Variants in SMYD3 observed in about 807,000 individuals in gnomAD.
The protein encoded by SMYD3 is SET and MYND domain containing 3, also known as histone-lysine N-methyltransferase SMYD3.
In SMYD3, 36 loss-of-function variants were observed where a neutral mutation model predicts 57.7. The ratio of observed to expected loss-of-function variants is 0.62; its 90% CI spans 0.48 to 0.82. The LOEUF (loss-of-function observed/expected upper bound fraction) is 0.82, where lower values mean the gene tolerates loss of function less well. SMYD3 is among the 40% of genes least tolerant of loss of function. The probability of loss-of-function intolerance (pLI) is 0.00; values close to 1 mark genes in which losing one functional copy is unlikely to be tolerated. For missense variants in SMYD3, 515 were observed against 538.8 expected (o/e 0.96, Z 0.44); for synonymous variants, 211 against 195.0 (o/e 1.08, Z -0.68).
intron 10 of SMYD3, among the ~76,000 whole-genome samples, chr1:245,800,229 T>C (rs1346227408): frequency 6.6e-6 from 1 of 152,266 alleles, no homozygotes; most frequent in Non-Finnish European, 1.5e-5. Flanking sequence ...TTCACTTTAC[T>C]CTCACAACTG....
intron 2 of SMYD3, among the ~76,000 whole-genome samples, chr1:246,348,649 A>G (rs2065767767): frequency 6.6e-6 from 1 of 152,162 alleles, no homozygotes; most frequent in African/African-American, 2.4e-5. Flanking sequence ...CCTTTTGAGT[A>G]CTATGCTTAC....
chr1:245,920,090 G>A (rs1258345788), intron 7 of SMYD3, among the ~76,000 whole-genome samples: 1 of 152,118 alleles, frequency 6.6e-6, no homozygotes, highest in Non-Finnish European at 1.5e-5. Flanking sequence ...AAGGCGGTAG[G>A]ATCACGAGGT....
chr1:246,470,369 A>G (rs2067941414), intron 1 of SMYD3, among the ~76,000 whole-genome samples: 1 of 151,862 alleles, frequency 6.6e-6, no homozygotes, highest in Non-Finnish European at 1.5e-5. Flanking sequence ...AGTGGCACAC[A>G]CGTGTAATCC....
At chr1:246,354,632 T>C (rs1241759938) in intron 2 of SMYD3, among the ~76,000 whole-genome samples, 1 of 132,342 alleles carries the variant, frequency 7.6e-6, no homozygotes, top group African/African-American at 2.9e-5. Flanking sequence ...CAAGAATTCA[T>C]GCCAGATTAA....
chr1:246,209,815 G>A (rs2063059922), intron 5 of SMYD3, among the ~76,000 whole-genome samples: 1 of 152,146 alleles, frequency 6.6e-6, no homozygotes, highest in Admixed American at 6.5e-5. Context: ...TTTCTGGAAA[G>A]AACTCAAATT....
At chr1:246,062,171 C>T (rs879925868) in intron 5 of SMYD3, among the ~76,000 whole-genome samples, 1 of 85,866 alleles carries the variant, frequency 1.2e-5, no homozygotes, top group Non-Finnish European at 2.2e-5. Flanking sequence ...ACATGTGATT[C>T]ATTCACATCA....
rs113398411 is a variant in SMYD3 at position 246,076,389 on chromosome 1, C to T, written c.532-146452G>A. Among the ~76,000 whole-genome samples, 884 of 152,234 alleles carry T rather than the reference C, an allele frequency of 5.8e-3. 23 individuals are homozygous for T. The highest frequency in any genetic ancestry group is 0.02 in the African/African-American group (824 of 41,530). On this transcript the variant is annotated intron_variant, in intron 5 of 11. Coordinates refer to ENST00000490107, the MANE Select transcript of SMYD3 (RefSeq NM_001167740.2). Reference sequence around the variant, plus strand: ...CACCCACATCCAAATGTACTGCCAACAGACCAACACAGAGAAGTGCTGAGT... The same window carrying T: ...CACCCACATCCAAATGTACTGCCAATAGACCAACACAGAGAAGTGCTGAGT...
intron 5 of SMYD3, among the ~76,000 whole-genome samples, chr1:245,999,584 G>C (rs1470416806): frequency 1.3e-5 from 2 of 150,352 alleles, no homozygotes; most frequent in Admixed American, 6.7e-5. Flanking sequence ...AAAGACCTAA[G>C]AGTGAGTCAA....
intron 5 of SMYD3, among the ~76,000 whole-genome samples, chr1:246,135,650 A>G (rs554735826): frequency 6.6e-6 from 1 of 152,280 alleles, no homozygotes; most frequent in South Asian, 2.1e-4. Flanking sequence ...ACACACACAC[A>G]CACATACGTG....
intron 1 of SMYD3, among the ~76,000 whole-genome samples, chr1:246,419,416 C>T (rs1361054254): frequency 6.6e-6 from 1 of 152,216 alleles, no homozygotes; most frequent in African/African-American, 2.4e-5. Context: ...GTGTTCCTCT[C>T]ACCCTCCAGC....
chr1:246,259,278 C>G (rs2063955882), intron 5 of SMYD3, among the ~76,000 whole-genome samples: 1 of 152,200 alleles, frequency 6.6e-6, no homozygotes, highest in South Asian at 2.1e-4. Context: ...TTACTACATT[C>G]AGATTTTTAA....
chr1:246,413,027 T>C (rs918228029), intron 1 of SMYD3, among the ~76,000 whole-genome samples: 15 of 152,144 alleles, frequency 9.9e-5, no homozygotes, highest in Admixed American at 9.8e-4. Flanking sequence ...TTGCTCAAGG[T>C]CATGTATAGA....
intron 10 of SMYD3, among the ~76,000 whole-genome samples, chr1:245,841,886 G>A (rs2050420488): frequency 6.6e-6 from 1 of 152,186 alleles, no homozygotes; most frequent in Non-Finnish European, 1.5e-5. Context: ...GACTGCATAT[G>A]TGATAATAGT....
intron 5 of SMYD3, among the ~76,000 whole-genome samples, chr1:246,177,702 A>G (rs1254685679): frequency 6.6e-6 from 1 of 152,222 alleles, no homozygotes; most frequent in Non-Finnish European, 1.5e-5. Context: ...GACCAGATCA[A>G]TTTCCATTCC....
chr1:245,952,028 A>G (rs1253932324), intron 5 of SMYD3, among the ~76,000 whole-genome samples: 1 of 149,802 alleles, frequency 6.7e-6, no homozygotes, highest in East Asian at 2.0e-4. Flanking sequence ...CAAAGACAAT[A>G]AATAGCAAAA....
intron 1 of SMYD3, among the ~76,000 whole-genome samples, chr1:246,498,226 C>T (rs565426384): frequency 6.6e-6 from 1 of 152,248 alleles, no homozygotes; most frequent in Admixed American, 6.5e-5. Flanking sequence ...TACACACATG[C>T]AAGGTTATTC....
intron 8 of SMYD3, among the ~76,000 whole-genome samples, chr1:245,867,145 A>ATATAAT: frequency 6.6e-6 from 1 of 152,310 alleles, no homozygotes; most frequent in Admixed American, 6.5e-5. Context: ...GGTGGGTCCA[A>ATATAAT]TATAATTACA....
intron 9 of SMYD3, among the ~76,000 whole-genome samples, chr1:245,861,635 G>A (rs751043582): frequency 1.3e-5 from 2 of 152,110 alleles, no homozygotes; most frequent in Admixed American, 6.5e-5. Context: ...CATGTTCTGC[G>A]CGTCTGCACA....
chr1:245,817,249 G>C (rs1405887297), intron 10 of SMYD3, among the ~76,000 whole-genome samples: 2 of 144,376 alleles, frequency 1.4e-5, no homozygotes, highest in African/African-American at 2.6e-5. Flanking sequence ...CCTGACCCCC[G>C]AGCAGCCTAA....
Sources: allele counts gnomAD v4.1 joint callset (sites outside exome capture counted in the v4.1 genomes callset), GRCh38; gene constraint gnomAD v4.1.1; transcripts MANE v1.5; gene names NCBI Gene and HGNC (gene_info 2026-07-23, HGNC 2026-07-21).